DCBLD2: variants seen among roughly 807,000 people sequenced by gnomAD.
DCBLD2 encodes discoidin, CUB and LCCL domain containing 2, also known as discoidin, CUB and LCCL domain-containing protein 2.
DCBLD2 carries 54 observed loss-of-function variants against 86.8 expected under a neutral mutation model. The observed-to-expected ratio is 0.62, with a 90% CI of 0.50 to 0.78. The LOEUF is 0.78. Ranked by LOEUF, DCBLD2 falls within the 30% of genes least tolerant of loss-of-function variation. The pLI is 0.00. For synonymous variants in DCBLD2, 354 were observed against 341.3 expected (o/e 1.04, Z -0.41); for missense variants, 908 against 954.2 (o/e 0.95, Z 0.64).
chr3:98,860,374 T>C (rs1943017922), intron 2 of DCBLD2, among the ~76,000 whole-genome samples: 1 of 152,074 alleles, frequency 6.6e-6, no homozygotes. Context: ...ATACAGAGAA[T>C]GCCACAAAGA....
rs1356200621 is a variant in DCBLD2 at position 98,881,718 on chromosome 3, T to C, written c.255A>G (p.Thr85=). Residue 85 remains threonine, a synonymous_variant, in exon 2 of 16, where the codon ACA becomes ACG. Coordinates refer to ENST00000326840, the MANE Select transcript of DCBLD2 (RefSeq NM_080927.4). ...GATAGGTCTGTGGGTAGTTTATGGA[T>C]GTAAGGGTTCCACTCTCAGGGCCTA... ...TVLGPESGTL[T]SINYPQTYPN... is the part of the protein sequence containing the mutation. The C allele has an allele frequency of 6.2e-7, 1 of 1,613,944 alleles. No individual in the cohort carries two copies. The highest frequency in any genetic ancestry group is 8.5e-7 in the Non-Finnish European group (1 of 1,179,868).
intron 3 of DCBLD2, 87 bp from the exon 4 acceptor site, chr3:98,825,453 ACTACT>A: frequency 9.5e-7 from 1 of 1,054,104 alleles, no homozygotes; most frequent in Non-Finnish European, 1.3e-6. Flanking sequence ...CCCAAACTGT[ACTACT>A]CTAATTTTCA....
rs752760930 is a variant in DCBLD2, at chr3:98,881,525, A to C, written c.433+15T>G. On this transcript the variant is annotated intron_variant, in intron 2 of 15. Coordinates refer to ENST00000326840, the MANE Select transcript of DCBLD2 (RefSeq NM_080927.4). Reference sequence around the variant, plus strand: ...ATGATGTATTTACATGTACATTTACAAAAAAAAGTCCTACCTATTTCAGTT... The same window carrying C: ...ATGATGTATTTACATGTACATTTACCAAAAAAAGTCCTACCTATTTCAGTT... 261 of 1,587,480 alleles carry C rather than the reference A, an allele frequency of 1.6e-4. No homozygotes were observed. The highest frequency in any genetic ancestry group is 2.1e-4 in the Non-Finnish European group (242 of 1,157,612).
intron 4 of DCBLD2, among the ~76,000 whole-genome samples, chr3:98,824,448 C>T (rs1330339071): frequency 6.6e-6 from 1 of 152,076 alleles, no homozygotes; most frequent in Non-Finnish European, 1.5e-5. Flanking sequence ...TAGGGTTACC[C>T]CAGCTAACGT....
At chr3:98,866,988 G>C (rs368136093) in intron 2 of DCBLD2, among the ~76,000 whole-genome samples, 6 of 152,024 alleles carry the variant, frequency 3.9e-5, no homozygotes, top group Non-Finnish European at 8.8e-5. Flanking sequence ...TCTTGTTTTT[G>C]TCAGGTTTGT....
intron 2 of DCBLD2, among the ~76,000 whole-genome samples, chr3:98,857,927 C>T (rs376732660): frequency 5.3e-5 from 8 of 152,254 alleles, no homozygotes; most frequent in Admixed American, 6.5e-5. Flanking sequence ...GATCCCGCAC[C>T]GGGGCTGCAG....
chr3:98,876,361 T>C (rs1229885255), intron 2 of DCBLD2, among the ~76,000 whole-genome samples: 1 of 33,526 alleles, frequency 3.0e-5, no homozygotes, highest in Non-Finnish European at 6.2e-5. Context: ...TCTTTAAAAA[T>C]AAAAAAAAAC....
rs964543002 is a variant in DCBLD2 at position 98,881,458 on chromosome 3, G to A, written c.433+82C>T. The A allele has an allele frequency of 9.4e-6, 12 of 1,274,102 alleles. No individual in the cohort carries two copies. In the African/African-American group the frequency reaches 1.6e-4, roughly 17 times the overall value. 78.9% of individuals were successfully genotyped at this position (1,274,102 alleles called of 1,614,324 possible). A position where few individuals can be genotyped will look rare whatever the true frequency, so the allele number is the denominator to read the frequency against. On this transcript the variant is annotated intron_variant, in intron 2 of 15. Transcript: ENST00000326840. ...TCCCACATAGCACCTTACACTGCAT[G>A]GTTATTTAATGTTAATATCAAAAAA...
chr3:98,878,271 A>T (rs1473983864), intron 2 of DCBLD2, among the ~76,000 whole-genome samples: 1 of 152,212 alleles, frequency 6.6e-6, no homozygotes, highest in Non-Finnish European at 1.5e-5. Context: ...GGGACAAATC[A>T]ATCTCATGTG....
intron 2 of DCBLD2, among the ~76,000 whole-genome samples, chr3:98,877,011 A>C (rs1352418395): frequency 6.6e-6 from 1 of 152,190 alleles, no homozygotes; most frequent in African/African-American, 2.4e-5. Context: ...TAAAACAAAC[A>C]CTAATGCAAT....
intron 5 of DCBLD2, 73 bp downstream of exon 5, chr3:98,822,596 C>G: frequency 7.1e-7 from 1 of 1,402,226 alleles, no homozygotes; most frequent in Non-Finnish European, 9.6e-7. Flanking sequence ...GATTAACACA[C>G]CTCTAACTAC....
At chr3:98,802,459 T>C (rs905115068) in intron 13 of DCBLD2, among the ~76,000 whole-genome samples, 4 of 152,200 alleles carry the variant, frequency 2.6e-5, no homozygotes, top group East Asian at 3.8e-4. Context: ...TATTAGCCCT[T>C]TGTCAGATGA....
At chr3:98,895,533 G>C (rs1352702128) in intron 1 of DCBLD2, 1 of 152,136 alleles carries the variant, frequency 6.6e-6, no homozygotes, top group Non-Finnish European at 1.5e-5. Flanking sequence ...TCAAATATCT[G>C]CTGTTCCTTG....
chr3:98,885,902 T>C (rs1943553679), intron 1 of DCBLD2, among the ~76,000 whole-genome samples: 1 of 151,378 alleles, frequency 6.6e-6, no homozygotes, highest in Admixed American at 6.6e-5. Flanking sequence ...TATTGGCATC[T>C]AGTAGGTAAA....
Position 98,901,336 on chromosome 3 carries a change from C to T in DCBLD2, c.-10G>A. ...CCGCCCGGCTCGCCATCGCGGCGGC[C>T]GGCAGTCTGCCTGCATAGTGCGGGT... On this transcript the variant is annotated 5_prime_UTR_variant, in exon 1 of 16. Coordinates refer to ENST00000326840, the MANE Select transcript of DCBLD2 (RefSeq NM_080927.4). The T allele has an allele frequency of 7.1e-7, 1 of 1,399,148 alleles. No individual in the cohort carries two copies. The highest frequency in any genetic ancestry group is 1.6e-5 in the South Asian group (1 of 61,804). The allele number at this position is 1,399,148 out of a possible 1,614,324, so 86.7% of individuals were successfully genotyped here.
intron 2 of DCBLD2, among the ~76,000 whole-genome samples, chr3:98,870,864 T>C (rs542838274): frequency 6.6e-6 from 1 of 152,026 alleles, no homozygotes; most frequent in African/African-American, 2.4e-5. Context: ...AATCTGTAGA[T>C]TGTTTTGGGC....
chr3:98,812,130 C>T (rs1336840438), intron 10 of DCBLD2, among the ~76,000 whole-genome samples: 1 of 150,202 alleles, frequency 6.7e-6, no homozygotes, highest in African/African-American at 2.5e-5. Flanking sequence ...ATTTCTTCTT[C>T]CACTTATAAT....
rs571393391 is a variant in DCBLD2 at position 98,801,787 on chromosome 3, T to C, written c.1671-138A>G. On this transcript the variant is annotated intron_variant, in intron 13 of 15. Transcript: ENST00000326840. The stretch of plus-strand genomic sequence containing the variant: ...GTTCTCATTGTTCAATTCCCACCTA[T>C]GAGTGAGAACATGCGGTGTTTGGTT... 15 of 589,580 alleles carry C rather than the reference T, an allele frequency of 2.5e-5. No individual in the cohort carries two copies. The East Asian group carries it at 4.0e-4, about 16-fold the overall frequency. The allele number at this position is 589,580 out of a possible 1,614,324, so 36.5% of individuals were successfully genotyped here. A position where few individuals can be genotyped will look rare whatever the true frequency, so the allele number is the denominator to read the frequency against.
chr3:98,865,743 T>C (rs573038638), intron 2 of DCBLD2, among the ~76,000 whole-genome samples: 1 of 152,338 alleles, frequency 6.6e-6, no homozygotes, highest in South Asian at 2.1e-4. Context: ...CTTTAAGTTC[T>C]AGGGTACATG....
Sources: gnomAD v4.1 joint callset for allele counts (sites outside exome capture counted in the v4.1 genomes callset) on GRCh38, gnomAD v4.1.1 for gene constraint, MANE v1.5 for transcripts, NCBI Gene and HGNC (gene_info 2026-07-23, HGNC 2026-07-21) for gene names.